Variants in EFCAB7 observed in about 807,000 individuals in gnomAD.
EFCAB7 encodes the protein EF-hand calcium-binding domain-containing protein 7.
In EFCAB7, 66 loss-of-function variants were observed where a neutral mutation model predicts 77.1. That is an observed-to-expected ratio of 0.86 (90% confidence interval 0.70 to 1.05). EFCAB7 has a LOEUF of 1.05. EFCAB7 is among the 50% of genes least tolerant of loss of function. The probability of loss-of-function intolerance (pLI) is 0.00; values close to 1 mark genes in which losing one functional copy is unlikely to be tolerated. For missense variants in EFCAB7, 638 were observed against 730.5 expected, an observed-to-expected ratio of 0.87 and a Z score of 1.46; for synonymous variants, 225 against 243.3, an observed-to-expected ratio of 0.92 and a Z score of 0.70.
chr1:63,526,914 G>A (rs1392253693), intron 2 of EFCAB7, among the ~76,000 whole-genome samples: 2 of 152,096 alleles, frequency 1.3e-5, no homozygotes, highest in African/African-American at 2.4e-5. Context: ...ACAGTTGCAC[G>A]CCACCATGCC....
chr1:63,546,145 G>C (rs1222939118), intron 7 of EFCAB7, 88 bp downstream of exon 7: 2 of 1,392,312 alleles, frequency 1.4e-6, no homozygotes, highest in Non-Finnish European at 2.0e-6. Flanking sequence ...GTCCTAGTTA[G>C]GGAAGAAAAT....
At chr1:63,543,246 C>T (rs1646851003) in intron 6 of EFCAB7, among the ~76,000 whole-genome samples, 1 of 152,036 alleles carries the variant, frequency 6.6e-6, no homozygotes, top group South Asian at 2.1e-4. Flanking sequence ...ATCATTAGAC[C>T]ATATAGGCAA....
At chr1:63,546,457 TG>T (rs1444359597) in intron 7 of EFCAB7, among the ~76,000 whole-genome samples, 1 of 151,976 alleles carries the variant, frequency 6.6e-6, no homozygotes, top group Non-Finnish European at 1.5e-5. Flanking sequence ...CTCCGCCTCC[TG>T]GATTCAAGTG....
intron 12 of EFCAB7, chr1:63,568,795 ATTTTAT>A: frequency 3.7e-6 from 1 of 269,736 alleles, no homozygotes; most frequent in Non-Finnish European, 6.9e-6. Flanking sequence ...GGTACAAAGT[ATTTTAT>A]TTAGTTTGTT....
At chr1:63,577,640 T>A (rs912735829), downstream of EFCAB7, among the ~76,000 whole-genome samples, 4 of 152,214 alleles carry the variant, frequency 2.6e-5, no homozygotes, top group Admixed American at 6.5e-5. Flanking sequence ...GACATCCAAT[T>A]AGCATGTATC....
chr1:63,524,015 A>C (rs1388034503), intron 1 of EFCAB7, among the ~76,000 whole-genome samples: 2 of 152,094 alleles, frequency 1.3e-5, no homozygotes, highest in African/African-American at 4.8e-5. Context: ...GTTTTAAGTA[A>C]GGGAGGTTTC....
chr1:63,583,873 G>A, the EFCAB7 span, among the ~76,000 whole-genome samples: 28 of 144,098 alleles, frequency 1.9e-4, no homozygotes, highest in Admixed American at 2.0e-3. Flanking sequence ...GTGTCCAGAT[G>A]TTGTGCATCA....
At chr1:63,559,268 C>T (rs975853021) in intron 10 of EFCAB7, among the ~76,000 whole-genome samples, 9 of 137,404 alleles carry the variant, frequency 6.6e-5, no homozygotes, top group African/African-American at 1.4e-4. Context: ...TGCTGCTGCA[C>T]TCCAGCCTGG....
At position 63,533,438 on chromosome 1, in the gene EFCAB7, T is replaced by C. The variant is rs750494315; in HGVS notation, c.487-16T>C. On this transcript the variant is annotated splice_polypyrimidine_tract_variant and intron_variant, in intron 4 of 13. Coordinates refer to ENST00000371088, the MANE Select transcript of EFCAB7 (RefSeq NM_032437.4). ...TGATTGAATGTTTTACCCACTGGAC[T>C]TTTTTTTTCCTGTAGTTTTGTAAAT... 2.5e-5 allele frequency: 38 copies of C among 1,535,878 alleles called. No individual in the cohort carries two copies. The highest frequency in any genetic ancestry group is 3.4e-5 in the Non-Finnish European group (38 of 1,133,750).
In EFCAB7 at chr1:63,555,529, ATT is replaced by A; in HGVS notation, c.1214+15_1214+16del. 6.2e-7 allele frequency: 1 copy of A among 1,607,856 alleles called. No individual in the cohort carries two copies. ...AAAGGAATTTAAGTAAGTTTTGTTT[ATT>A]AATGTTAGAATTATAACATCTAGAC... is the stretch of plus-strand genomic sequence containing the variant. On this transcript the variant is annotated intron_variant, in intron 9 of 13. Transcript: ENST00000371088.
rs553739446 is a variant in EFCAB7, at chr1:63,570,089, A to G, written c.1708-932A>G. The G allele has an allele frequency of 2.6e-5, 4 of 152,314 alleles. No individual in the cohort carries two copies. In the East Asian group the frequency reaches 7.7e-4, roughly 29 times the overall value. 9.4% of individuals were successfully genotyped at this position (152,314 alleles called of 1,614,324 possible). On this transcript the variant is annotated intron_variant, in intron 12 of 13. Coordinates refer to ENST00000371088, the MANE Select transcript of EFCAB7 (RefSeq NM_032437.4). ...AGCATTTACTTCTCACAACAACCCT[A>G]TGACATAAGTGCTATTCTCATTTTA...
chr1:63,555,636 C>T, intron 9 of EFCAB7, 121 bp downstream of exon 9: 1 of 789,168 alleles, frequency 1.3e-6, no homozygotes. Flanking sequence ...ACCAATTCAA[C>T]TCTTGTGAAC....
At chr1:63,573,902 A>G (rs1647338480), downstream of EFCAB7, among the ~76,000 whole-genome samples, 1 of 152,146 alleles carries the variant, frequency 6.6e-6, no homozygotes, top group Admixed American at 6.6e-5. Context: ...CTGAATACCA[A>G]GAGCCTGAGA....
At chr1:63,560,227 C>T (rs1013756434) in intron 10 of EFCAB7, among the ~76,000 whole-genome samples, 8 of 152,124 alleles carry the variant, frequency 5.3e-5, no homozygotes, top group African/African-American at 1.4e-4. Context: ...GCTGGGATTA[C>T]AGGCGTGAGC....
chr1:63,580,957 T>TTA, the EFCAB7 span, among the ~76,000 whole-genome samples: 6 of 152,004 alleles, frequency 3.9e-5, no homozygotes, highest in African/African-American at 9.7e-5. Flanking sequence ...GGTTTTTTTT[T>TTA]ATTGTGTTTT....
At chr1:63,577,202 A>T (rs1647448833), downstream of EFCAB7, among the ~76,000 whole-genome samples, 1 of 152,058 alleles carries the variant, frequency 6.6e-6, no homozygotes, top group Non-Finnish European at 1.5e-5. Context: ...ATGAATATTT[A>T]ACAAAAAAGA....
chr1:63,545,704 G>A (rs1646889442), intron 6 of EFCAB7, among the ~76,000 whole-genome samples: 1 of 152,166 alleles, frequency 6.6e-6, no homozygotes, highest in Non-Finnish European at 1.5e-5. Flanking sequence ...GCCTCCCAAA[G>A]TGCTGGGATT....
chr1:63,576,885 C>T (rs533138912), downstream of EFCAB7, among the ~76,000 whole-genome samples: 1 of 151,554 alleles, frequency 6.6e-6, no homozygotes, highest in South Asian at 2.1e-4. Flanking sequence ...TGCTGTGTCT[C>T]ATGCCTGTAA....
chr1:63,557,309 C>A, intron 10 of EFCAB7, 62 bp downstream of exon 10: 1 of 1,447,984 alleles, frequency 6.9e-7, no homozygotes, highest in Non-Finnish European at 9.2e-7. Context: ...CTTTTCATCT[C>A]TAAGAAATGA....
Sources: gnomAD v4.1 joint callset for allele counts (sites outside exome capture counted in the v4.1 genomes callset) on GRCh38, gnomAD v4.1.1 for gene constraint, MANE v1.5 for transcripts, NCBI Gene and HGNC (gene_info 2026-07-23, HGNC 2026-07-21) for gene names.